The following PPP2R3A variants were observed in gnomAD, a reference collection of about 807,000 sequenced individuals.
PPP2R3A encodes the protein protein phosphatase 2 regulatory subunit B''alpha.
A neutral mutation model predicts 106.9 loss-of-function variants in PPP2R3A; 80 were observed. The ratio of observed to expected loss-of-function variants is 0.75; its 90% CI spans 0.62 to 0.90. The LOEUF is 0.90. Among genes scored for constraint, PPP2R3A ranks in the 40% least tolerant of loss-of-function variants. The pLI, the probability that PPP2R3A is intolerant of heterozygous loss-of-function variation, is 0.00. For missense variants in PPP2R3A, 1,386 were observed against 1,350.4 expected, an observed-to-expected ratio of 1.03 and a Z score of -0.41; for synonymous variants, 483 against 468.3, an observed-to-expected ratio of 1.03 and a Z score of -0.41.
chr3:136,127,174 T>C (rs1013371176), intron 13 of PPP2R3A, among the ~76,000 whole-genome samples: 3 of 152,052 alleles, frequency 2.0e-5, no homozygotes, highest in Non-Finnish European at 4.4e-5. Context: ...CTTTGACGAG[T>C]TGACAGAAGT....
intron 1 of PPP2R3A, among the ~76,000 whole-genome samples, chr3:135,997,248 C>T (rs1933438608): frequency 6.6e-6 from 1 of 152,134 alleles, no homozygotes; most frequent in South Asian, 2.1e-4. Flanking sequence ...ATAAGGATAC[C>T]AGCAACCTTC....
At chr3:136,024,833 G>A (rs1934590728) in intron 2 of PPP2R3A, among the ~76,000 whole-genome samples, 1 of 152,130 alleles carries the variant, frequency 6.6e-6, no homozygotes, top group South Asian at 2.1e-4. Flanking sequence ...TAAAGCCCCT[G>A]AAGAATTCTG....
Position 136,001,818 on chromosome 3 carries a change from A to G in PPP2R3A, c.320A>G (p.Tyr107Cys), listed in dbSNP as rs143297708. ...AGAGGATCTACATTTCAGAATACCT[A>G]CAACTTAAAGGATATTGCAGGAGAA... ...VKRGSTFQNT[Y>C]NLKDIAGEAI... Residue 107 changes from tyrosine to cysteine, a missense_variant, in exon 2 of 14, where the codon TAC becomes TGC. Transcript: ENST00000264977. 131 of 1,614,086 alleles carry G rather than the reference A, an allele frequency of 8.1e-5. 1 individual carries two copies. In the East Asian group the frequency reaches 2.6e-3, roughly 32 times the overall value.
chr3:136,088,347 G>A (rs1325670842), intron 9 of PPP2R3A, among the ~76,000 whole-genome samples: 1 of 152,214 alleles, frequency 6.6e-6, no homozygotes, highest in Non-Finnish European at 1.5e-5. Flanking sequence ...AGAACATACG[G>A]TATTTGGTTT....
At chr3:136,027,908 C>T (rs746678244) in intron 3 of PPP2R3A, among the ~76,000 whole-genome samples, 2 of 152,130 alleles carry the variant, frequency 1.3e-5, no homozygotes, top group Non-Finnish European at 2.9e-5. Flanking sequence ...ACCTAAGAGC[C>T]CATGCACACT....
intron 2 of PPP2R3A, among the ~76,000 whole-genome samples, chr3:136,007,045 G>A (rs1467727988): frequency 6.6e-6 from 1 of 152,196 alleles, no homozygotes; most frequent in East Asian, 1.9e-4. Flanking sequence ...CAGAATTTAA[G>A]CAGGCAGTCT....
chr3:136,062,272 C>G (rs1268465965), intron 5 of PPP2R3A, among the ~76,000 whole-genome samples: 1 of 152,106 alleles, frequency 6.6e-6, no homozygotes, highest in Non-Finnish European at 1.5e-5. Flanking sequence ...ACCTAAGACA[C>G]AGTGGATTCA....
intron 1 of PPP2R3A, among the ~76,000 whole-genome samples, chr3:135,987,231 A>C (rs1932960943): frequency 6.6e-6 from 1 of 152,202 alleles, no homozygotes; most frequent in African/African-American, 2.4e-5. Flanking sequence ...GGTAGAAGAC[A>C]CAAGACTTCT....
intron 1 of PPP2R3A, among the ~76,000 whole-genome samples, chr3:135,982,505 A>G (rs1245117898): frequency 6.6e-6 from 1 of 152,146 alleles, no homozygotes; most frequent in African/African-American, 2.4e-5. Flanking sequence ...TCCTGACCCT[A>G]GAGTTGGACC....
intron 13 of PPP2R3A, among the ~76,000 whole-genome samples, chr3:136,117,614 A>C (rs1937823941): frequency 3.3e-5 from 5 of 152,242 alleles, no homozygotes; most frequent in African/African-American, 7.2e-5. Context: ...TATGCAAATA[A>C]ACTAGAAAAT....
Position 136,145,061 on chromosome 3 carries a change from A to G in PPP2R3A, c.3348A>G (p.Thr1116=). 1 of 1,612,580 alleles carries G rather than the reference A, an allele frequency of 6.2e-7. No homozygotes were observed. Among genetic ancestry groups the G allele is most frequent in the Non-Finnish European group, 8.5e-7 (1 of 1,179,522 alleles). ...QFQEGFEDYE[T]DEPASPSEFG... is the part of the protein sequence containing the mutation. ...ATTTCAGCTTTGAAGATTATGAAACAGATGAACCTGCCTCTCCCTCTGAAT... is the reference window on the plus strand; with the variant it reads ...ATTTCAGCTTTGAAGATTATGAAACGGATGAACCTGCCTCTCCCTCTGAAT... The change falls in exon 14 of 14, where the codon ACA becomes ACG. Residue 1116 remains threonine, a synonymous_variant. Coordinates refer to ENST00000264977, the MANE Select transcript of PPP2R3A (RefSeq NM_002718.5).
At chr3:136,011,746 C>CTA (rs1481377335) in intron 2 of PPP2R3A, among the ~76,000 whole-genome samples, 1 of 152,206 alleles carries the variant, frequency 6.6e-6, no homozygotes, top group African/African-American at 2.4e-5. Flanking sequence ...CAAACCGTAA[C>CTA]TAGTCTAGCC....
rs532950593 is a variant in PPP2R3A, at chr3:135,983,208, G to T, written c.-441+17359G>T. On this transcript the variant is annotated intron_variant, in intron 1 of 13. Coordinates refer to ENST00000264977, the MANE Select transcript of PPP2R3A (RefSeq NM_002718.5). ...TTTCTTCTTACAGATATTTCCACTG[G>T]GCTTTTGCCCCATTTCTCTACCCAA... Among the ~76,000 whole-genome samples the T allele has an allele frequency of 3.3e-5, 5 of 152,202 alleles. 1 individual carries two copies. In the South Asian group the frequency reaches 1.0e-3, roughly 32 times the overall value.
At chr3:135,977,474 G>A (rs956069822) in intron 1 of PPP2R3A, among the ~76,000 whole-genome samples, 1 of 152,076 alleles carries the variant, frequency 6.6e-6, no homozygotes, top group Admixed American at 6.5e-5. Context: ...TTTATTGTCT[G>A]CTTTGTTGGT....
chr3:136,142,411 AAG>A (rs148578073), intron 13 of PPP2R3A, among the ~76,000 whole-genome samples: 2,695 of 152,204 alleles, frequency 0.018, 35 homozygotes, highest in Non-Finnish European at 0.029. Context: ...CACCAAAATT[AAG>A]AGGAGTCTCC....
At position 136,002,125 on chromosome 3, in the gene PPP2R3A, C is replaced by G. The variant is rs774311925; in HGVS notation, c.627C>G (p.Asp209Glu). 6.2e-7 allele frequency: 1 copy of G among 1,614,012 alleles called. No homozygotes were observed. ...TTCTTCAAAACTTTTCTGAAGAAGA[C>G]TTGGTTACTCAGATTTTGGAAAAAC... ...SMFLQNFSEE[D>E]LVTQILEKHK... is the part of the protein sequence containing the mutation. The change falls in exon 2 of 14, where the codon GAC (aspartate) becomes GAG (glutamate). Residue 209 changes from aspartate (D) to glutamate (E), a missense_variant. Coordinates refer to ENST00000264977, the MANE Select transcript of PPP2R3A (RefSeq NM_002718.5).
At chr3:136,067,757 A>C (rs912206317) in intron 5 of PPP2R3A, among the ~76,000 whole-genome samples, 1 of 152,244 alleles carries the variant, frequency 6.6e-6, no homozygotes, top group Non-Finnish European at 1.5e-5. Context: ...CTATTCTAGT[A>C]GTAATGGGCA....
intron 2 of PPP2R3A, among the ~76,000 whole-genome samples, chr3:136,007,932 T>G (rs906779995): frequency 6.6e-6 from 1 of 152,238 alleles, no homozygotes; most frequent in African/African-American, 2.4e-5. Flanking sequence ...CTGTTGTTAC[T>G]AGAACTCACT....
intron 13 of PPP2R3A, among the ~76,000 whole-genome samples, chr3:136,142,089 T>C (rs996517389): frequency 6.6e-6 from 1 of 152,142 alleles, no homozygotes; most frequent in African/African-American, 2.4e-5. Context: ...GGACATAGTT[T>C]GGAAACCACA....
Sources: allele counts gnomAD v4.1 joint callset (sites outside exome capture counted in the v4.1 genomes callset), GRCh38; gene constraint gnomAD v4.1.1; transcripts MANE v1.5; gene names NCBI Gene and HGNC (gene_info 2026-07-23, HGNC 2026-07-21).